The following TAF9B variants were observed in gnomAD, a reference collection of about 807,000 sequenced individuals.
TAF9B encodes TATA-box binding protein associated factor 9b, also known as transcription initiation factor TFIID subunit 9B.
A neutral mutation model predicts 17.6 loss-of-function variants in TAF9B; 47 were observed. The ratio of observed to expected loss-of-function variants is 2.68; its 90% CI spans 2.12 to 3.41. TAF9B has a LOEUF of 3.41. Among genes scored for constraint, TAF9B ranks in the 30% most tolerant of loss-of-function variants. TAF9B has a pLI of 0.00. For synonymous variants in TAF9B, 84 were observed against 68.7 expected, an observed-to-expected ratio of 1.22 and a Z score of -1.10; for missense variants, 218 against 189.3, an observed-to-expected ratio of 1.15 and a Z score of -0.89.
intron 5 of TAF9B, among the ~76,000 whole-genome samples, chrX:78,134,654 C>T (rs1434887911): frequency 9.0e-6 from 1 of 111,644 alleles, no homozygotes; most frequent in Non-Finnish European, 1.9e-5. Flanking sequence ...TGCTTTCTCT[C>T]CCAAACACAG....
chrX:78,137,048 T>G, intron 4 of TAF9B, 58 bp from the exon 5 acceptor site: 1 of 873,004 alleles, frequency 1.1e-6, no homozygotes, highest in African/African-American at 1.9e-5. Flanking sequence ...TTACCAGGAA[T>G]GAAATTAGGA....
In TAF9B at chrX:78,138,861, T is replaced by C; in HGVS notation, c.115A>G (p.Met39Val). The C allele has an allele frequency of 8.3e-7, 1 of 1,206,965 alleles. No individual in the cohort carries two copies. The highest frequency in any genetic ancestry group is 3.0e-5 in the East Asian group (1 of 33,810). The change falls in exon 2 of 7, where the codon ATG (methionine) becomes GTG (valine). Residue 39 changes from methionine (M) to valine (V), a missense_variant. By Grantham distance (21) the Met-to-Val change is conservative. Coordinates refer to ENST00000341864, the MANE Select transcript of TAF9B (RefSeq NM_015975.5). ...AACTTACGGAAAGCAAATTCCAACA[T>C]TTGATTTATAACCCTTGGTTCATAC... ...TEYEPRVINQMLEFAFRYVTT... is the reference protein window; with the variant it reads ...TEYEPRVINQVLEFAFRYVTT...
At chrX:78,138,764 T>G (rs781883753) in intron 2 of TAF9B, 79 bp downstream of exon 2, 3 of 835,943 alleles carry the variant, frequency 3.6e-6, no homozygotes, top group South Asian at 2.1e-5. Flanking sequence ...AAAAAGAAAA[T>G]AAAAGAAAAT....
Position 78,130,381 on chromosome X carries a change from G to A in TAF9B, c.*1229C>T, listed in dbSNP as rs1213922007. The A allele has an allele frequency of 8.9e-6, 1 of 112,446 alleles. No homozygotes were observed. The highest frequency in any genetic ancestry group is 9.4e-5 in the Admixed American group (1 of 10,613). 9.3% of individuals were successfully genotyped at this position (112,446 alleles called of 1,213,427 possible). A position where few individuals can be genotyped will look rare whatever the true frequency, so the allele number is the denominator to read the frequency against. On this transcript the variant is annotated 3_prime_UTR_variant, in exon 7 of 7. Transcript: ENST00000341864. ...TAATATGTGTATAAATGGAAAACAG[G>A]GAAAGGTGTTCAGCAACATTACAGT...
chrX:78,139,510 G>C, intron 1 of TAF9B, 51 bp downstream of exon 1: 1 of 1,207,614 alleles, frequency 8.3e-7, no homozygotes, highest in Non-Finnish European at 1.1e-6. Context: ...CGCCTCGCAG[G>C]TCCCTGGCTG....
At position 78,139,555 on chromosome X, in the gene TAF9B, A is replaced by T. The variant is rs1240393948; in HGVS notation, c.51+6T>A. 8.3e-7 allele frequency: 1 copy of T among 1,209,742 alleles called. No homozygotes were observed. The highest frequency in any genetic ancestry group is 1.7e-5 in the African/African-American group (1 of 57,266). On this transcript the variant is annotated splice_donor_region_variant and intron_variant, in intron 1 of 6. Transcript: ENST00000341864. ...TCGCGATCCGCGGCTTATCCTTCGCACTTACCAAGGCATCTCTCGGAGCGT... is the reference window on the plus strand; with the variant it reads ...TCGCGATCCGCGGCTTATCCTTCGCTCTTACCAAGGCATCTCTCGGAGCGT...
rs782698622 is a variant in TAF9B at position 78,139,625 on chromosome X, T to G, written c.-14A>C. 2 of 1,209,878 alleles carry G rather than the reference T, an allele frequency of 1.7e-6. No homozygotes were observed. The highest frequency in any genetic ancestry group is 1.7e-5 in the African/African-American group (1 of 57,390). On this transcript the variant is annotated 5_prime_UTR_variant, in exon 1 of 7. Transcript: ENST00000341864. Reference sequence around the variant, plus strand: ...GCCCGACTCCATGTTATCCAGCCACTCGTCATCCGCGGAGACAGAGGAGAG... The same window carrying G: ...GCCCGACTCCATGTTATCCAGCCACGCGTCATCCGCGGAGACAGAGGAGAG...
intron 6 of TAF9B, 62 bp from the exon 7 acceptor site, chrX:78,131,835 T>C (rs781878885): frequency 2.0e-4 from 217 of 1,060,833 alleles, no homozygotes; most frequent in Non-Finnish European, 2.6e-4. Context: ...ATCTGAAACA[T>C]ATGATAAAAA....
In TAF9B at chrX:78,138,873, C is replaced by A. The variant is rs1174342148; in HGVS notation, c.103G>T (p.Val35Phe). 5.0e-6 allele frequency: 6 copies of A among 1,208,293 alleles called. No individual in the cohort carries two copies. In the African/African-American group the frequency reaches 5.2e-5, roughly 11 times the overall value. The change falls in exon 2 of 7, where the codon GTT becomes TTT. Residue 35 changes from valine (V) to phenylalanine (F), a missense_variant. Coordinates refer to ENST00000341864, the MANE Select transcript of TAF9B (RefSeq NM_015975.5). ...DMGITEYEPR[V>F]INQMLEFAFR... ...GCAAATTCCAACATTTGATTTATAA[C>A]CCTTGGTTCATACTCTGTGATTCCC...
intron 5 of TAF9B, among the ~76,000 whole-genome samples, chrX:78,136,019 T>A (rs992818754): frequency 8.9e-6 from 1 of 111,822 alleles, no homozygotes; most frequent in Non-Finnish European, 1.9e-5. Context: ...AAAAATCAAA[T>A]GCTGTTTATA....
rs200598893 is a variant in TAF9B at position 78,131,197 on chromosome X, T to A, written c.*413A>T. The A allele has an allele frequency of 2.1e-4, 23 of 107,557 alleles. 1 individual carries two copies. Among genetic ancestry groups the A allele is most frequent in the Admixed American group, 1.6e-3 (16 of 9,761 alleles). 8.9% of individuals were successfully genotyped at this position (107,557 alleles called of 1,213,427 possible). On this transcript the variant is annotated 3_prime_UTR_variant, in exon 7 of 7. Coordinates refer to ENST00000341864, the MANE Select transcript of TAF9B (RefSeq NM_015975.5). ...AGAGATTTGGTAAAAAAAAAAAAAT[T>A]AGCTAGTGACAGTAAGTAACTATAT...
In TAF9B at chrX:78,138,759, GAAAAT is replaced by G. The variant is rs72292384; in HGVS notation, c.133+79_133+83del. The G allele has an allele frequency of 0.014, 11,427 of 822,033 alleles. 829 individuals are homozygous for G. The African/African-American group carries it at 0.2, about 15-fold the overall frequency. 67.7% of individuals were successfully genotyped at this position (822,033 alleles called of 1,213,427 possible). On this transcript the variant is annotated intron_variant, in intron 2 of 6. Transcript: ENST00000341864. ...AACAGCGAGTCCCTGTCTCAAAAAA[GAAAAT>G]AAAAGAAAATGTTCTTACAATAAAA...
At chrX:78,135,429 AC>A (rs2078430439) in intron 5 of TAF9B, among the ~76,000 whole-genome samples, 1 of 101,636 alleles carries the variant, frequency 9.8e-6, no homozygotes, top group Non-Finnish European at 2.0e-5. Context: ...AAAAAAAAAA[AC>A]ACAAAAAAAC....
chrX:78,132,879 G>T (rs1284693783), intron 6 of TAF9B, among the ~76,000 whole-genome samples: 1 of 110,193 alleles, frequency 9.1e-6, no homozygotes, highest in Non-Finnish European at 1.9e-5. Context: ...TACATATATA[G>T]TAGTCCCCCC....
intron 1 of TAF9B, 71 bp downstream of exon 1, chrX:78,139,490 A>G: frequency 8.4e-7 from 1 of 1,195,053 alleles, no homozygotes; most frequent in Non-Finnish European, 1.1e-6. Flanking sequence ...TCAGGCCCTC[A>G]GCGTGGCCCC....
chrX:78,133,435 C>T lies in TAF9B; in HGVS notation c.495G>A (p.Thr165=), dbSNP rs781856225. The change falls in exon 6 of 7, where the codon ACG becomes ACA. Residue 165 remains threonine (T), a synonymous_variant. Coordinates refer to ENST00000341864, the MANE Select transcript of TAF9B (RefSeq NM_015975.5). ...TTGCAACTTTATTTGGGACAGACACCGTTTGTGGGGTTGCTGTAGTTACAA... is the reference window on the plus strand; with the variant it reads ...TTGCAACTTTATTTGGGACAGACACTGTTTGTGGGGTTGCTGTAGTTACAA... The part of the protein sequence containing the change: ...PTTPTIATPQ[T]VSVPNKVATP... The T allele has an allele frequency of 9.1e-6, 11 of 1,204,229 alleles. No individual in the cohort carries two copies. Among genetic ancestry groups the T allele is most frequent in the Non-Finnish European group, 1.0e-5 (9 of 890,038 alleles).
At chrX:78,136,839 CT>C in intron 5 of TAF9B, 75 bp downstream of exon 5, 2 of 696,754 alleles carry the variant, frequency 2.9e-6, no homozygotes, top group South Asian at 5.6e-5. Flanking sequence ...CACTTTTTGA[CT>C]TGCATTATAG....
chrX:78,135,415 GA>G (rs782511393), intron 5 of TAF9B, among the ~76,000 whole-genome samples: 245 of 84,610 alleles, frequency 2.9e-3, no homozygotes, highest in African/African-American at 8.4e-3. Context: ...CGTCTTTACT[GA>G]AAAAAAAAAA....
chrX:78,139,518 C>G (rs1557250502), intron 1 of TAF9B, 43 bp downstream of exon 1: 2 of 1,208,983 alleles, frequency 1.7e-6, no homozygotes, highest in Non-Finnish European at 1.1e-6. Context: ...AGGTCCCTGG[C>G]TGCACCTGGC....
Sources: gnomAD v4.1 joint callset for allele counts (sites outside exome capture counted in the v4.1 genomes callset) on GRCh38, gnomAD v4.1.1 for gene constraint, MANE v1.5 for transcripts, NCBI Gene and HGNC (gene_info 2026-07-23, HGNC 2026-07-21) for gene names.